The following ACVR1 variants were observed in gnomAD, a reference collection of about 807,000 sequenced individuals.
ACVR1 encodes activin receptor type-1.
A neutral mutation model predicts 57.1 loss-of-function variants in ACVR1; 38 were observed. That is an observed-to-expected ratio of 0.67 (90% confidence interval 0.51 to 0.87). The LOEUF (loss-of-function observed/expected upper bound fraction) is 0.87, where lower values mean the gene tolerates loss of function less well. ACVR1 is among the 40% of genes least tolerant of loss of function. The probability of loss-of-function intolerance (pLI) is 0.00; values close to 1 mark genes in which losing one functional copy is unlikely to be tolerated. For missense variants in ACVR1, 463 were observed against 638.2 expected, an observed-to-expected ratio of 0.73 and a Z score of 2.96; for synonymous variants, 212 against 228.1, an observed-to-expected ratio of 0.93 and a Z score of 0.63.
intron 1 of ACVR1, among the ~76,000 whole-genome samples, chr2:157,835,877 G>A (rs764758356): frequency 6.6e-6 from 1 of 152,196 alleles, no homozygotes; most frequent in Non-Finnish European, 1.5e-5. Flanking sequence ...GCAAGTCACT[G>A]CCAAACAACC....
Position 157,793,116 on chromosome 2 carries a change from C to G in ACVR1, c.67+6311G>C, listed in dbSNP as rs375346530. 6.2e-4 allele frequency among the ~76,000 whole-genome samples: 94 copies of G among 152,244 alleles called. No homozygotes were observed. In the South Asian group the frequency reaches 0.018, roughly 30 times the overall value. ...ACATGCCTACAAACCTTCTGCTTTA[C>G]AAGTTTTTCCATAAAGAGGAGATGG... On this transcript the variant is annotated intron_variant, in intron 3 of 10. Transcript: ENST00000434821.
intron 1 of ACVR1, among the ~76,000 whole-genome samples, chr2:157,834,053 C>A (rs1045345717): frequency 6.6e-6 from 1 of 152,292 alleles, no homozygotes; most frequent in African/African-American, 2.4e-5. Flanking sequence ...TTTGTTCATA[C>A]AAAGGGCAGG....
At position 157,778,234 on chromosome 2, in the gene ACVR1, C is replaced by T. The variant is rs373187352; in HGVS notation, c.440G>A (p.Arg147Gln). 1.1e-5 allele frequency: 17 copies of T among 1,613,882 alleles called. No homozygotes were observed. The highest frequency in any genetic ancestry group is 5.3e-5 in the African/African-American group (4 of 74,856). ...TTCTTGGTTGCGCCTTTTAAATTTT[C>T]GGAGAGCAACTCCCAGCAGGCAGGC... ...LLACLLGVAL[R>Q]KFKRRNQERL... Residue 147 changes from arginine to glutamine, a missense_variant, in exon 5 of 11, where the codon CGA (arginine) becomes CAA (glutamine). Arg to Gln is a conservative substitution (Grantham distance 43, BLOSUM62 1). This residue lies in a region of ACVR1 where 203 missense variants were observed against 235.5 expected (regional missense o/e 0.86). Transcript: ENST00000434821.
At chr2:157,739,464 G>A (rs181209564) in intron 9 of ACVR1, among the ~76,000 whole-genome samples, 1 of 152,246 alleles carries the variant, frequency 6.6e-6, no homozygotes, top group African/African-American at 2.4e-5. Flanking sequence ...TTAGAAAATG[G>A]ATTCTTCCCC....
chr2:157,806,580 A>G (rs1204166901), intron 2 of ACVR1, among the ~76,000 whole-genome samples: 1 of 152,244 alleles, frequency 6.6e-6, no homozygotes, highest in African/African-American at 2.4e-5. Context: ...AACTGATTAG[A>G]TAATACAAGA....
intron 3 of ACVR1, among the ~76,000 whole-genome samples, chr2:157,785,989 G>C (rs921320009): frequency 2.0e-5 from 3 of 152,104 alleles, no homozygotes; most frequent in Admixed American, 6.5e-5. Flanking sequence ...TTCAGTTACT[G>C]GAAGTTCTTA....
At chr2:157,829,315 T>C (rs1214991637) in intron 1 of ACVR1, among the ~76,000 whole-genome samples, 3 of 152,206 alleles carry the variant, frequency 2.0e-5, no homozygotes, top group Non-Finnish European at 4.4e-5. Flanking sequence ...AAGAATCTTG[T>C]AGACAAAGCC....
intron 9 of ACVR1, among the ~76,000 whole-genome samples, chr2:157,750,509 C>T (rs1685141914): frequency 2.0e-5 from 3 of 152,334 alleles, no homozygotes; most frequent in African/African-American, 7.2e-5. Context: ...ATGCCAATTA[C>T]AGCTGAAGTA....
At chr2:157,744,889 C>T (rs1684908883) in intron 9 of ACVR1, among the ~76,000 whole-genome samples, 1 of 152,218 alleles carries the variant, frequency 6.6e-6, no homozygotes, top group Admixed American at 6.5e-5. Context: ...GAATCAGTAC[C>T]TCAGGCATTC....
At chr2:157,800,071 C>A (rs1687266717) in intron 2 of ACVR1, among the ~76,000 whole-genome samples, 1 of 152,180 alleles carries the variant, frequency 6.6e-6, no homozygotes, top group Non-Finnish European at 1.5e-5. Flanking sequence ...CAAAGCAATG[C>A]ATTTCTGCAT....
intron 3 of ACVR1, among the ~76,000 whole-genome samples, chr2:157,793,786 T>TTCTA (rs940290575): frequency 6.6e-6 from 1 of 152,196 alleles, no homozygotes; most frequent in African/African-American, 2.4e-5. Flanking sequence ...GAAAGGCTTA[T>TTCTA]TCTATTCTTC....
chr2:157,841,541 G>C (rs182325082), intron 1 of ACVR1, among the ~76,000 whole-genome samples: 354 of 152,256 alleles, frequency 2.3e-3, no homozygotes, highest in African/African-American at 8.1e-3. Context: ...TAAACTTACA[G>C]TTAAAGATCC....
At position 157,788,902 on chromosome 2, in the gene ACVR1, C is replaced by T. The variant is rs142579818; in HGVS notation, c.68-8302G>A. Among the ~76,000 whole-genome samples the T allele has an allele frequency of 2.0e-4, 30 of 152,278 alleles. No individual in the cohort carries two copies. The East Asian group carries it at 5.4e-3, about 27-fold the overall frequency. On this transcript the variant is annotated intron_variant, in intron 3 of 10. Coordinates refer to ENST00000434821, the MANE Select transcript of ACVR1 (RefSeq NM_001111067.4). ...TCATTTCCCAAGGCCCTACCAAGTC[C>T]AGAACTCCATGAAAGGTTAATGAAG...
chr2:157,795,167 T>C (rs1687059501), intron 3 of ACVR1, among the ~76,000 whole-genome samples: 1 of 152,112 alleles, frequency 6.6e-6, no homozygotes, highest in Non-Finnish European at 1.5e-5. Flanking sequence ...AACGCAGTCG[T>C]CTAAAGCTTG....
chr2:157,870,385 T>C (rs1690078861), intron 1 of ACVR1, among the ~76,000 whole-genome samples: 1 of 152,188 alleles, frequency 6.6e-6, no homozygotes, highest in African/African-American at 2.4e-5. Context: ...TTGGCTTTCA[T>C]AGATGAGCAA....
chr2:157,814,265 T>G (rs1336132114), intron 2 of ACVR1, among the ~76,000 whole-genome samples: 1 of 152,242 alleles, frequency 6.6e-6, no homozygotes, highest in Non-Finnish European at 1.5e-5. Flanking sequence ...CCAATAATTT[T>G]GATGTCATAT....
chr2:157,840,048 G>A (rs1239887681), intron 1 of ACVR1, among the ~76,000 whole-genome samples: 2 of 152,208 alleles, frequency 1.3e-5, no homozygotes, highest in African/African-American at 4.8e-5. Flanking sequence ...CCCAATCAGA[G>A]TGACTCTTGG....
intron 1 of ACVR1, among the ~76,000 whole-genome samples, chr2:157,873,645 C>T (rs568938302): frequency 6.6e-6 from 1 of 152,296 alleles, no homozygotes; most frequent in African/African-American, 2.4e-5. Flanking sequence ...TCCTGTCCCC[C>T]CTCCCTCAGA....
intron 1 of ACVR1, among the ~76,000 whole-genome samples, chr2:157,845,278 G>C (rs1439356282): frequency 6.6e-6 from 1 of 152,168 alleles, no homozygotes; most frequent in Non-Finnish European, 1.5e-5. Context: ...TTTGGGAAAA[G>C]GGTCTTTGCA....
Sources: gnomAD v4.1 joint callset for allele counts (sites outside exome capture counted in the v4.1 genomes callset) on GRCh38, gnomAD v4.1.1 for gene constraint, gnomAD v4.1.1 regional missense constraint, MANE v1.5 for transcripts, NCBI Gene and HGNC (gene_info 2026-07-23, HGNC 2026-07-21) for gene names.